The following PML variants were observed in gnomAD, a reference collection of about 807,000 sequenced individuals.
PML encodes the protein PML nuclear body scaffold, also known as protein PML.
PML carries 28 observed loss-of-function variants against 65.2 expected under a neutral mutation model. That is an observed-to-expected ratio of 0.43 (90% CI 0.32 to 0.59). The LOEUF is 0.59. Ranked by LOEUF, PML falls within the 20% of genes least tolerant of loss-of-function variation. The pLI is 0.08. For synonymous variants in PML, 500 were observed against 508.8 expected (o/e 0.98, Z 0.23); for missense variants, 1,021 against 1,203.4 (o/e 0.85, Z 2.24).
Position 74,045,032 on chromosome 15 carries a change from G to A in PML, c.*24G>A. 6.4e-7 allele frequency: 1 copy of A among 1,572,872 alleles called. No individual in the cohort carries two copies. Among genetic ancestry groups the A allele is most frequent in the African/African-American group, 1.3e-5 (1 of 74,286 alleles). On this transcript the variant is annotated 3_prime_UTR_variant, in exon 9 of 9. Transcript: ENST00000268058. Reference sequence around the variant, plus strand: ...GAGAGGAGGGGGTGACCAGCTTGGAGTCTCTGGTGGGCAGAGAGGGATGGG... The same window carrying A: ...GAGAGGAGGGGGTGACCAGCTTGGAATCTCTGGTGGGCAGAGAGGGATGGG...
At position 74,046,184 on chromosome 15, in the gene PML, G is replaced by C. The variant is rs2066773017; in HGVS notation, c.*1176G>C. On this transcript the variant is annotated 3_prime_UTR_variant, in exon 9 of 9. Coordinates refer to ENST00000268058, the MANE Select transcript of PML (RefSeq NM_033238.3). Reference sequence around the variant, plus strand: ...TTAGGAATGGAAAGCAGGCCTCTGAGGCAGTGGACAGGAAGACTTCTCATC... The same window carrying C: ...TTAGGAATGGAAAGCAGGCCTCTGACGCAGTGGACAGGAAGACTTCTCATC... The C allele has an allele frequency of 4.3e-6, 1 of 233,224 alleles. No individual in the cohort carries two copies. The highest frequency in any genetic ancestry group is 8.5e-6 in the Non-Finnish European group (1 of 117,992). The allele number at this position is 233,224 out of a possible 1,614,324, so 14.4% of individuals were successfully genotyped here.
rs539800728 is a variant in PML at position 73,994,735 on chromosome 15, A to C, written c.-78A>C. The C allele has an allele frequency of 5.7e-5, 85 of 1,491,772 alleles. No homozygotes were observed. The South Asian group carries it at 1.0e-3, about 18-fold the overall frequency. The allele number at this position is 1,491,772 out of a possible 1,614,324, so 92.4% of individuals were successfully genotyped here. Reference sequence around the variant, plus strand: ...TCGGACAGCTCAAGGGACTCAGCCAACTGGCTCACGCCTCCCCTTCAGCTT... The same window carrying C: ...TCGGACAGCTCAAGGGACTCAGCCACCTGGCTCACGCCTCCCCTTCAGCTT... On this transcript the variant is annotated 5_prime_UTR_variant, in exon 1 of 9. Transcript: ENST00000268058.
intron 2 of PML, among the ~76,000 whole-genome samples, chr15:74,021,773 T>G (rs540401338): frequency 6.6e-6 from 1 of 150,404 alleles, no homozygotes; most frequent in East Asian, 1.9e-4. Context: ...AGAAAGAAAA[T>G]GCACAAACAG....
intron 6 of PML, 138 bp downstream of exon 6, chr15:74,033,552 G>C: frequency 1.1e-6 from 1 of 931,050 alleles, no homozygotes; most frequent in South Asian, 1.4e-5. Context: ...GATAGGGAAA[G>C]TTCACAGTGT....
intron 2 of PML, among the ~76,000 whole-genome samples, chr15:74,003,273 A>C (rs1353682531): frequency 6.6e-6 from 1 of 152,184 alleles, no homozygotes; most frequent in African/African-American, 2.4e-5. Context: ...CTCTATTAAA[A>C]ATACAAAAAT....
chr15:74,043,061 G>A lies in PML; in HGVS notation c.1783G>A (p.Val595Ile). ...LQLEGPSTLR[V>I]LDENLADPQA... ...GCTGGAAGGCCCCAGCACCCTCAGG[G>A]TCCTGGACGAGAACCTTGCTGACCC... Residue 595 changes from valine (V) to isoleucine (I), a missense_variant, in exon 8 of 9, where the codon GTC (valine) becomes ATC (isoleucine). Val to Ile is a conservative substitution (Grantham distance 29, BLOSUM62 3). Coordinates refer to ENST00000268058, the MANE Select transcript of PML (RefSeq NM_033238.3). The surrounding 1 kb of genome is among the most constrained non-coding windows in gnomAD (Gnocchi z 4.3). The A allele has an allele frequency of 6.2e-7, 1 of 1,613,518 alleles. No homozygotes were observed. Among genetic ancestry groups the A allele is most frequent in the East Asian group, 2.2e-5 (1 of 44,776 alleles).
intron 6 of PML, chr15:74,033,985 G>C: frequency 3.0e-6 from 1 of 327,910 alleles, no homozygotes; most frequent in Non-Finnish European, 5.7e-6. Flanking sequence ...GTACAGCTTT[G>C]TTCCTCATTC....
Position 74,033,340 on chromosome 15 carries a change from C to A in PML, c.1583C>A (p.Pro528His), listed in dbSNP as rs1292537881. ...CCCCACCTGGATGGACCGCCTAGCC[C>A]CAGGAGCCCCGTCATAGGAAGTGAG... ...SPPHLDGPPS[P>H]RSPVIGSEVF... Residue 528 changes from proline (P) to histidine (H), a missense_variant, in exon 6 of 9, where the codon CCC (proline) becomes CAC (histidine). Transcript: ENST00000268058. 1.9e-6 allele frequency: 3 copies of A among 1,614,084 alleles called. No individual in the cohort carries two copies. The highest frequency in any genetic ancestry group is 2.5e-6 in the Non-Finnish European group (3 of 1,179,944).
chr15:73,999,634 C>T (rs1292474404), intron 2 of PML, among the ~76,000 whole-genome samples: 6 of 151,972 alleles, frequency 3.9e-5, no homozygotes, highest in Non-Finnish European at 7.4e-5. Flanking sequence ...TTGTTGTTTC[C>T]GTTGAGGAAT....
Position 74,022,961 on chromosome 15 carries a change from G to A in PML, c.736G>A (p.Ala246Thr), listed in dbSNP as rs1409973888. The A allele has an allele frequency of 2.5e-6, 4 of 1,610,724 alleles. No homozygotes were observed. Among genetic ancestry groups the A allele is most frequent in the Non-Finnish European group, 3.4e-6 (4 of 1,178,910 alleles). ...RQEELDAMTQALQEQDSAFGA... is the reference protein window; with the variant it reads ...RQEELDAMTQTLQEQDSAFGA... ...GGAGGAGCTGGACGCCATGACGCAG[G>A]CGCTGCAGGAGCAGGATAGTGCCTT... is the stretch of plus-strand genomic sequence containing the variant. Residue 246 changes from alanine to threonine, a missense_variant, in exon 3 of 9, where the codon GCG becomes ACG. Transcript: ENST00000268058.
Position 74,037,512 on chromosome 15 carries a change from T to C in PML, c.1710+2982T>C, listed in dbSNP as rs1462537634. 6 of 984,934 alleles carry C rather than the reference T, an allele frequency of 6.1e-6. No individual in the cohort carries two copies. The highest frequency in any genetic ancestry group is 1.8e-5 in the African/African-American group (1 of 57,086). 61.0% of individuals were successfully genotyped at this position (984,934 alleles called of 1,614,324 possible). A position where few individuals can be genotyped will look rare whatever the true frequency, so the allele number is the denominator to read the frequency against. ...CTCATCTCAGAAAACTCCACCCACT[T>C]CTCTCTCCAGCTGTCGGCTCCCCTT... On this transcript the variant is annotated intron_variant, in intron 7 of 8. Coordinates refer to ENST00000268058, the MANE Select transcript of PML (RefSeq NM_033238.3). The surrounding 1 kb of genome is among the most constrained non-coding windows in gnomAD (Gnocchi z 4.2).
Position 74,046,837 on chromosome 15 carries a change from T to C in PML, c.*1829T>C. ...AGGAACCACTGAGAAGCCTTTTGCC[T>C]GGATAGGAGGGGGCTCTCCCAGGCA... On this transcript the variant is annotated 3_prime_UTR_variant, in exon 9 of 9. Coordinates refer to ENST00000268058, the MANE Select transcript of PML (RefSeq NM_033238.3). 4.3e-6 allele frequency: 1 copy of C among 230,942 alleles called. No homozygotes were observed. Among genetic ancestry groups the C allele is most frequent in the East Asian group, 6.1e-5 (1 of 16,302 alleles). The allele number at this position is 230,942 out of a possible 1,614,324, so 14.3% of individuals were successfully genotyped here.
chr15:74,042,887 TG>T lies in PML; in HGVS notation c.1711-101del. The T allele has an allele frequency of 2.5e-6, 4 of 1,602,514 alleles. No individual in the cohort carries two copies. Among genetic ancestry groups the T allele is most frequent in the African/African-American group, 1.3e-5 (1 of 74,774 alleles). On this transcript the variant is annotated intron_variant, in intron 7 of 8. Coordinates refer to ENST00000268058, the MANE Select transcript of PML (RefSeq NM_033238.3). The surrounding 1 kb of genome is among the most constrained non-coding windows in gnomAD (Gnocchi z 5.3). ...TTTCCCAGTGGTACACCCTCCTTCATGTGCACGCAGATGCTCCCAGCTATAC... is the reference window on the plus strand; with the variant it reads ...TTTCCCAGTGGTACACCCTCCTTCATTGCACGCAGATGCTCCCAGCTATAC...
intron 5 of PML, 57 bp from the exon 6 acceptor site, chr15:74,033,099 C>T: frequency 6.3e-7 from 1 of 1,587,848 alleles, no homozygotes; most frequent in South Asian, 1.1e-5. Flanking sequence ...TCAGGGCAGG[C>T]TCTGCCCACT....
At chr15:74,020,155 G>A (rs892303620) in intron 2 of PML, among the ~76,000 whole-genome samples, 8 of 152,104 alleles carry the variant, frequency 5.3e-5, no homozygotes, top group African/African-American at 1.7e-4. Context: ...CTAATTAAAC[G>A]TAGCATTGAT....
Position 74,034,470 on chromosome 15 carries a change from CG to C in PML, c.1658-7del. ...AGTTCATAATGCATCTCCCCTTCCCCGTTTCAGAGGAACGCGTTGTGGTGAT... is the reference window on the plus strand; with the variant it reads ...AGTTCATAATGCATCTCCCCTTCCCCTTTCAGAGGAACGCGTTGTGGTGAT... On this transcript the variant is annotated splice_polypyrimidine_tract_variant and splice_region_variant and intron_variant, in intron 6 of 8. Coordinates refer to ENST00000268058, the MANE Select transcript of PML (RefSeq NM_033238.3). The C allele has an allele frequency of 6.2e-7, 1 of 1,614,156 alleles. No individual in the cohort carries two copies. The highest frequency in any genetic ancestry group is 1.1e-5 in the South Asian group (1 of 91,074).
At position 74,037,010 on chromosome 15, in the gene PML, C is replaced by T; in HGVS notation, c.1710+2480C>T. The T allele has an allele frequency of 1.0e-6, 1 of 985,452 alleles. No homozygotes were observed. Among genetic ancestry groups the T allele is most frequent in the Non-Finnish European group, 1.2e-6 (1 of 829,926 alleles). The allele number at this position is 985,452 out of a possible 1,614,324, so 61.0% of individuals were successfully genotyped here. A position where few individuals can be genotyped will look rare whatever the true frequency, so the allele number is the denominator to read the frequency against. ...ATCAGAATTGCAGCTCCCTGCCCAG[C>T]AGAAAATCCTGGAAGGACTCAGGAG... On this transcript the variant is annotated intron_variant, in intron 7 of 8. Coordinates refer to ENST00000268058, the MANE Select transcript of PML (RefSeq NM_033238.3). The surrounding 1 kb of genome is among the most constrained non-coding windows in gnomAD (Gnocchi z 4.2).
In PML at chr15:74,022,867, G is replaced by A; in HGVS notation, c.642G>A (p.Ser214=). ...GATGTTCCAAGCCGCTGTGCTGCTCGTGCGCGCTCCTTGACAGCAGCCACA... is the reference window on the plus strand; with the variant it reads ...GATGTTCCAAGCCGCTGTGCTGCTCATGCGCGCTCCTTGACAGCAGCCACA... ...CRGCSKPLCC[S]CALLDSSHSE... Residue 214 remains serine (S), a synonymous_variant, in exon 3 of 9, where the codon TCG becomes TCA. Transcript: ENST00000268058. 1.2e-6 allele frequency: 2 copies of A among 1,613,810 alleles called. No homozygotes were observed. The highest frequency in any genetic ancestry group is 1.6e-4 in the Middle Eastern group (1 of 6,062).
At chr15:74,032,273 T>C in intron 4 of PML, 1 of 452,884 alleles carries the variant, frequency 2.2e-6, no homozygotes. Context: ...GGCTCGTGCC[T>C]GTAATCCCAG....
Sources: allele counts gnomAD v4.1 joint callset (sites outside exome capture counted in the v4.1 genomes callset), GRCh38; gene constraint gnomAD v4.1.1; non-coding constraint Gnocchi (gnomAD v3.1); transcripts MANE v1.5; gene names NCBI Gene and HGNC (gene_info 2026-07-23, HGNC 2026-07-21).